SLC17A6: variants seen among roughly 807,000 people sequenced by gnomAD.
The protein encoded by SLC17A6 is solute carrier family 17 member 6.
SLC17A6 carries 35 observed loss-of-function variants against 67.1 expected under a neutral mutation model. The ratio of observed to expected loss-of-function variants is 0.52; its 90% CI spans 0.40 to 0.69. The LOEUF is 0.69. SLC17A6 is among the 30% of genes least tolerant of loss of function. The pLI is 0.00. For synonymous variants in SLC17A6, 285 were observed against 252.3 expected, an observed-to-expected ratio of 1.13 and a Z score of -1.23; for missense variants, 588 against 723.9, an observed-to-expected ratio of 0.81 and a Z score of 2.15.
chr11:22,365,453 A>G, intron 6 of SLC17A6, 94 bp from the exon 7 acceptor site: 2 of 1,324,674 alleles, frequency 1.5e-6, no homozygotes, highest in Non-Finnish European at 2.2e-6. Flanking sequence ...CTTCTTTCTA[A>G]TAGAATATGT....
intron 6 of SLC17A6, among the ~76,000 whole-genome samples, chr11:22,364,693 C>A (rs904420295): frequency 6.6e-6 from 1 of 151,928 alleles, no homozygotes; most frequent in African/African-American, 2.4e-5. Context: ...AGATTGTTAC[C>A]CAAGGGACAA....
intron 7 of SLC17A6, among the ~76,000 whole-genome samples, chr11:22,366,649 A>G (rs561061386): frequency 4.6e-5 from 7 of 152,154 alleles, no homozygotes; most frequent in Non-Finnish European, 1.0e-4. Context: ...TCCACATAAC[A>G]CTGATACATT....
chr11:22,357,112 T>G (rs1047662502), intron 3 of SLC17A6, among the ~76,000 whole-genome samples: 4 of 152,200 alleles, frequency 2.6e-5, no homozygotes, highest in African/African-American at 4.8e-5. Flanking sequence ...CAGAACTATA[T>G]CTGAAACAGG....
At chr11:22,359,579 C>A in intron 4 of SLC17A6, 52 bp downstream of exon 4, 2 of 1,122,206 alleles carry the variant, frequency 1.8e-6, no homozygotes, top group Non-Finnish European at 2.5e-6. Context: ...GGTTGAGAAC[C>A]ACCAGTTTAT....
chr11:22,356,789 T>C (rs1401834282), intron 3 of SLC17A6, among the ~76,000 whole-genome samples: 2 of 152,220 alleles, frequency 1.3e-5, no homozygotes, highest in Non-Finnish European at 2.9e-5. Context: ...TGAGCAAAGA[T>C]AGTGCCACTG....
chr11:22,378,555 A>C lies in SLC17A6; in HGVS notation c.*815A>C, dbSNP rs1413352642. The C allele has an allele frequency of 7.0e-6, 1 of 143,164 alleles. No homozygotes were observed. Among genetic ancestry groups the C allele is most frequent in the Non-Finnish European group, 1.5e-5 (1 of 65,592 alleles). 8.9% of individuals were successfully genotyped at this position (143,164 alleles called of 1,614,324 possible). On this transcript the variant is annotated 3_prime_UTR_variant, in exon 12 of 12. Transcript: ENST00000263160. Reference sequence around the variant, plus strand: ...CAACTTTGTACTGGTTGTAACTTGCATTAGAAAAAAAAGAGATATATACAC... The same window carrying C: ...CAACTTTGTACTGGTTGTAACTTGCCTTAGAAAAAAAAGAGATATATACAC...
intron 3 of SLC17A6, among the ~76,000 whole-genome samples, chr11:22,353,328 T>G (rs1382367668): frequency 2.6e-5 from 4 of 152,206 alleles, no homozygotes; most frequent in African/African-American, 9.6e-5. Flanking sequence ...AATTTTAATT[T>G]GGATTTTCAC....
intron 5 of SLC17A6, chr11:22,362,211 CT>C: frequency 2.2e-6 from 1 of 452,812 alleles, no homozygotes; most frequent in South Asian, 1.9e-5. Flanking sequence ...AACGTGATAA[CT>C]TACCTTGATG....
chr11:22,338,915 A>G (rs113928318), intron 1 of SLC17A6, among the ~76,000 whole-genome samples: 22 of 150,386 alleles, frequency 1.5e-4, no homozygotes, highest in Middle Eastern at 3.4e-3. Flanking sequence ...TATCTTCTTT[A>G]CAGTTAAGAA....
intron 3 of SLC17A6, among the ~76,000 whole-genome samples, chr11:22,347,659 A>G (rs770022407): frequency 6.6e-6 from 1 of 152,138 alleles, no homozygotes; most frequent in Non-Finnish European, 1.5e-5. Context: ...TTATTTTCCC[A>G]TGTACATTAT....
At chr11:22,366,274 C>T (rs577130627) in intron 7 of SLC17A6, among the ~76,000 whole-genome samples, 26 of 151,920 alleles carry the variant, frequency 1.7e-4, no homozygotes, top group Non-Finnish European at 2.9e-4. Flanking sequence ...GTGCCCCCCC[C>T]ACCCTGTAAA....
intron 4 of SLC17A6, 82 bp downstream of exon 4, chr11:22,359,609 T>C (rs1362937648): frequency 2.7e-6 from 2 of 750,694 alleles, no homozygotes; most frequent in Non-Finnish European, 2.0e-6. Context: ...TATCTGTAAA[T>C]AAATATATTG....
chr11:22,376,228 T>C (rs961690210), intron 10 of SLC17A6, 136 bp downstream of exon 10: 2 of 583,088 alleles, frequency 3.4e-6, no homozygotes, highest in African/African-American at 1.9e-5. Context: ...ATATTTCCAC[T>C]AGAAAATGAA....
Position 22,338,388 on chromosome 11 carries a change from C to G in SLC17A6, c.-146C>G, listed in dbSNP as rs1367268559. On this transcript the variant is annotated 5_prime_UTR_variant, in exon 1 of 12. Transcript: ENST00000263160. ...CTCTCCCTCCCTTCTCTCACTCTCACTCTTGCTGGAGGCGAGCCACTACCA... is the reference window on the plus strand; with the variant it reads ...CTCTCCCTCCCTTCTCTCACTCTCAGTCTTGCTGGAGGCGAGCCACTACCA... The G allele has an allele frequency of 3.3e-6, 2 of 603,932 alleles. No homozygotes were observed. Among genetic ancestry groups the G allele is most frequent in the South Asian group, 2.1e-5 (1 of 46,942 alleles). The allele number at this position is 603,932 out of a possible 1,614,324, so 37.4% of individuals were successfully genotyped here. A position where few individuals can be genotyped will look rare whatever the true frequency, so the allele number is the denominator to read the frequency against.
chr11:22,376,616 G>A lies in SLC17A6; in HGVS notation c.1357G>A (p.Gly453Ser). ...CTTAATGGGCATTTCGAATGGTGTTGGCACATTGTCAGGAATGGTTTGTCC... is the reference window on the plus strand; with the variant it reads ...CTTAATGGGCATTTCGAATGGTGTTAGCACATTGTCAGGAATGGTTTGTCC... ...SILMGISNGV[G>S]TLSGMVCPII... Residue 453 changes from glycine to serine, a missense_variant, in exon 11 of 12, where the codon GGC becomes AGC. Gly to Ser is a moderately conservative substitution (Grantham distance 56, BLOSUM62 0). Transcript: ENST00000263160. 6.2e-7 allele frequency: 1 copy of A among 1,613,910 alleles called. No individual in the cohort carries two copies. Among genetic ancestry groups the A allele is most frequent in the Non-Finnish European group, 8.5e-7 (1 of 1,179,898 alleles).
chr11:22,351,299 G>A (rs1855934892), intron 3 of SLC17A6, among the ~76,000 whole-genome samples: 1 of 152,002 alleles, frequency 6.6e-6, no homozygotes, highest in South Asian at 2.1e-4. Flanking sequence ...GATAGATTGT[G>A]TAATAGTGAG....
intron 1 of SLC17A6, 88 bp from the exon 2 acceptor site, chr11:22,341,440 C>T: frequency 6.5e-7 from 1 of 1,538,098 alleles, no homozygotes; most frequent in South Asian, 1.2e-5. Flanking sequence ...TCCTCCCAAC[C>T]CCGACGGGTC....
rs1226306890 is a variant in SLC17A6, at chr11:22,365,569, C to T, written c.771C>T (p.Tyr257=). 16 of 1,613,848 alleles carry T rather than the reference C, an allele frequency of 9.9e-6. No homozygotes were observed. The Admixed American group carries it at 2.5e-4, about 25-fold the overall frequency. ...YVYGSFGMVW[Y]MFWLLVSYES... ...CAGGAAGCTTTGGAATGGTCTGGTA[C>T]ATGTTTTGGCTTTTGGTGTCTTATG... is the stretch of plus-strand genomic sequence containing the variant. The change falls in exon 7 of 12, where the codon TAC becomes TAT. Residue 257 remains tyrosine (Y), a synonymous_variant. Transcript: ENST00000263160.
intron 7 of SLC17A6, among the ~76,000 whole-genome samples, chr11:22,367,469 G>C (rs1236236924): frequency 6.6e-6 from 1 of 152,066 alleles, no homozygotes; most frequent in Non-Finnish European, 1.5e-5. Context: ...TCTATAAATA[G>C]ACTAATAATT....
Sources: allele counts gnomAD v4.1 joint callset (sites outside exome capture counted in the v4.1 genomes callset), GRCh38; gene constraint gnomAD v4.1.1; transcripts MANE v1.5; gene names NCBI Gene and HGNC (gene_info 2026-07-23, HGNC 2026-07-21).